CSTF3: variants seen among roughly 807,000 people sequenced by gnomAD.
CSTF3 encodes the protein cleavage stimulation factor subunit 3, also known as CF-1 77 kDa subunit.
In CSTF3, 29 loss-of-function variants were observed where a neutral mutation model predicts 105.8. The ratio of observed to expected loss-of-function variants is 0.27; its 90% CI spans 0.20 to 0.37. The LOEUF (loss-of-function observed/expected upper bound fraction) is 0.37, where lower values mean the gene tolerates loss of function less well. CSTF3 is among the 10% of genes least tolerant of loss of function. The probability of loss-of-function intolerance (pLI) is 1.00; values close to 1 mark genes in which losing one functional copy is unlikely to be tolerated. For synonymous variants in CSTF3, 252 were observed against 281.9 expected, an observed-to-expected ratio of 0.89 and a Z score of 1.06; for missense variants, 357 against 879.3, an observed-to-expected ratio of 0.41 and a Z score of 7.51.
chr11:33,097,549 A>C (rs1855237169), intron 13 of CSTF3, among the ~76,000 whole-genome samples: 1 of 152,068 alleles, frequency 6.6e-6, no homozygotes, highest in Non-Finnish European at 1.5e-5. Flanking sequence ...TTTGTTTTTT[A>C]GTAGAGATGG....
intron 1 of CSTF3, among the ~76,000 whole-genome samples, chr11:33,151,569 T>G (rs1355818327): frequency 1.3e-5 from 2 of 152,230 alleles, no homozygotes; most frequent in South Asian, 4.1e-4. Context: ...TATTCCATTA[T>G]GTGCATATCC....
At chr11:33,153,819 C>G (rs1218818619) in intron 1 of CSTF3, among the ~76,000 whole-genome samples, 1 of 151,302 alleles carries the variant, frequency 6.6e-6, no homozygotes, top group African/African-American at 2.4e-5. Context: ...AAGTAGGGAT[C>G]AGTTAAAGTG....
chr11:33,093,006 A>C lies in CSTF3; in HGVS notation c.1376-666T>G, dbSNP rs570001847. On this transcript the variant is annotated intron_variant, in intron 15 of 20. Transcript: ENST00000323959. Reference sequence around the variant, plus strand: ...AACTTAAGAATCTAACAGTAACAACAACCATTGAATCTACTACTAACAACC... The same window carrying C: ...AACTTAAGAATCTAACAGTAACAACCACCATTGAATCTACTACTAACAACC... 4.6e-5 allele frequency among the ~76,000 whole-genome samples: 7 copies of C among 152,358 alleles called. No individual in the cohort carries two copies. The South Asian group carries it at 1.4e-3, about 32-fold the overall frequency.
chr11:33,146,095 G>T (rs1378705716), intron 1 of CSTF3, among the ~76,000 whole-genome samples: 1 of 151,786 alleles, frequency 6.6e-6, no homozygotes, highest in East Asian at 1.9e-4. Context: ...AAAATTAGCT[G>T]GGAGTGGTGG....
intron 10 of CSTF3, 27 bp downstream of exon 10, chr11:33,102,144 TAACTGA>T: frequency 6.3e-7 from 1 of 1,592,828 alleles, no homozygotes; most frequent in Non-Finnish European, 8.6e-7. Context: ...AACATACATG[TAACTGA>T]AGTCCCATGA....
Position 33,085,108 on chromosome 11 carries a change from C to T in CSTF3, c.2133G>A (p.Arg711=), listed in dbSNP as rs1384795207. 1 of 1,614,052 alleles carries T rather than the reference C, an allele frequency of 6.2e-7. No individual in the cohort carries two copies. The highest frequency in any genetic ancestry group is 8.5e-7 in the Non-Finnish European group (1 of 1,180,030). The change falls in exon 21 of 21, where the codon CGG becomes CGA. Residue 711 remains arginine, a synonymous_variant. Coordinates refer to ENST00000323959, the MANE Select transcript of CSTF3 (RefSeq NM_001326.3). ...VPPVHDIYRA[R]QQKRIR Reference sequence around the variant, plus strand: ...AACCCTACCGAATCCGCTTCTGCTGCCGTGCTCTGTAAATGTCATGAACAG... The same window carrying T: ...AACCCTACCGAATCCGCTTCTGCTGTCGTGCTCTGTAAATGTCATGAACAG...
chr11:33,096,472 A>G, intron 14 of CSTF3, 64 bp from the exon 15 acceptor site: 1 of 1,022,284 alleles, frequency 9.8e-7, no homozygotes, highest in South Asian at 1.4e-5. Context: ...ACTTGAAAGA[A>G]TATTAAAATT....
chr11:33,086,899 G>C (rs1855111023), intron 18 of CSTF3, 89 bp downstream of exon 18: 14 of 1,414,526 alleles, frequency 9.9e-6, no homozygotes. Context: ...ACCCACAATT[G>C]AGAGGCCATG....
chr11:33,139,550 A>G (rs1047211054), intron 3 of CSTF3, among the ~76,000 whole-genome samples: 4 of 151,976 alleles, frequency 2.6e-5, no homozygotes, highest in African/African-American at 9.7e-5. Flanking sequence ...AGGCTAAACA[A>G]AAATATAGAA....
intron 3 of CSTF3, among the ~76,000 whole-genome samples, chr11:33,123,777 T>A (rs778293611): frequency 6.6e-6 from 1 of 152,118 alleles, no homozygotes; most frequent in Non-Finnish European, 1.5e-5. Context: ...TAAACATCTC[T>A]AGATTCTGAA....
chr11:33,106,109 T>A, intron 5 of CSTF3, 45 bp from the exon 6 acceptor site: 1 of 1,481,080 alleles, frequency 6.8e-7, no homozygotes, highest in Non-Finnish European at 9.4e-7. Flanking sequence ...TTTTTGTTAT[T>A]AAAATTTATC....
In CSTF3 at chr11:33,134,357, G is replaced by A. The variant is rs1344267844; in HGVS notation, c.225+7310C>T. On this transcript the variant is annotated intron_variant, in intron 3 of 20. Coordinates refer to ENST00000323959, the MANE Select transcript of CSTF3 (RefSeq NM_001326.3). ...ATAACCTAAATAATCAAAGTTTTAA[G>A]CATTTTTTCACCTAATACCCAATAC... The A allele has an allele frequency of 4.6e-5, 7 of 152,224 alleles. No homozygotes were observed. In the East Asian group the frequency reaches 1.3e-3, roughly 29 times the overall value. 9.4% of individuals were successfully genotyped at this position (152,224 alleles called of 1,614,324 possible). A position where few individuals can be genotyped will look rare whatever the true frequency, so the allele number is the denominator to read the frequency against.
chr11:33,098,268 T>C (rs1292824055), intron 13 of CSTF3, among the ~76,000 whole-genome samples: 1 of 152,126 alleles, frequency 6.6e-6, no homozygotes, highest in Non-Finnish European at 1.5e-5. Flanking sequence ...GTCTAATTTC[T>C]TCCCAGGATG....
intron 10 of CSTF3, among the ~76,000 whole-genome samples, chr11:33,100,403 C>T (rs575476190): frequency 1.1e-3 from 159 of 151,396 alleles, no homozygotes; most frequent in Non-Finnish European, 2.0e-3. Context: ...CACCATGTTG[C>T]CAAGGCTTGT....
chr11:33,124,926 T>C (rs1378494229), intron 3 of CSTF3, among the ~76,000 whole-genome samples: 1 of 152,206 alleles, frequency 6.6e-6, no homozygotes, highest in East Asian at 1.9e-4. Context: ...TCTTTTTGTT[T>C]CCAACCATTT....
intron 3 of CSTF3, among the ~76,000 whole-genome samples, chr11:33,135,061 G>A (rs1403868610): frequency 6.6e-6 from 1 of 152,122 alleles, no homozygotes; most frequent in South Asian, 2.1e-4. Flanking sequence ...TGATTCTCCC[G>A]TAACACTTGA....
intron 3 of CSTF3, among the ~76,000 whole-genome samples, chr11:33,137,755 GA>G (rs1855670469): frequency 6.7e-6 from 1 of 148,896 alleles, no homozygotes; most frequent in Admixed American, 6.7e-5. Flanking sequence ...AGATCTATAA[GA>G]AAAGAGTACA....
chr11:33,141,801 G>C, intron 2 of CSTF3, 39 bp from the exon 3 acceptor site: 3 of 1,577,270 alleles, frequency 1.9e-6, no homozygotes, highest in Non-Finnish European at 2.6e-6. Context: ...TACAATGTTA[G>C]GATTATGAAA....
intron 3 of CSTF3, among the ~76,000 whole-genome samples, chr11:33,120,421 A>G (rs1230331166): frequency 6.6e-6 from 1 of 151,844 alleles, no homozygotes; most frequent in Non-Finnish European, 1.5e-5. Flanking sequence ...ACCCTTTTAA[A>G]TAAGAAAAAT....
Sources: gnomAD v4.1 joint callset for allele counts (sites outside exome capture counted in the v4.1 genomes callset) on GRCh38, gnomAD v4.1.1 for gene constraint, MANE v1.5 for transcripts, NCBI Gene and HGNC (gene_info 2026-07-23, HGNC 2026-07-21) for gene names.